UGT2B28: variants seen among roughly 807,000 people sequenced by gnomAD.
UGT2B28 encodes the protein UDP glucuronosyltransferase family 2 member B28.
In UGT2B28, 45 loss-of-function variants were observed where a neutral mutation model predicts 43.6. The ratio of observed to expected loss-of-function variants is 1.03; its 90% CI spans 0.81 to 1.32. UGT2B28 has a LOEUF of 1.32. Ranked by LOEUF, UGT2B28 falls within the 40% of genes most tolerant of loss-of-function variation. The pLI is 0.00. For synonymous variants in UGT2B28, 204 were observed against 208.1 expected (o/e 0.98, Z 0.17); for missense variants, 649 against 625.5 (o/e 1.04, Z -0.40).
intron 1 of UGT2B28, among the ~76,000 whole-genome samples, chr4:69,281,944 G>A (rs1723624788): frequency 7.1e-6 from 1 of 139,928 alleles, no homozygotes; most frequent in Admixed American, 7.2e-5. Context: ...AAAATTTCTA[G>A]CTATAATTTA....
chr4:69,294,914 C>CAAAA lies in UGT2B28; in HGVS notation c.*113_*116dup. 1.0e-6 allele frequency: 1 copy of CAAAA among 978,088 alleles called. No homozygotes were observed. The highest frequency in any genetic ancestry group is 3.6e-5 in the East Asian group (1 of 27,558). The allele number at this position is 978,088 out of a possible 1,614,324, so 60.6% of individuals were successfully genotyped here. On this transcript the variant is annotated 3_prime_UTR_variant, in exon 6 of 6. Transcript: ENST00000335568. ...ATGCAAGATTTCTTTCTTCCTGTGA[C>CAAAA]AAAAAAAAAAACTTTTCAAAATCTA...
chr4:69,290,848 T>C, intron 5 of UGT2B28, 37 bp downstream of exon 5: 2 of 1,537,396 alleles, frequency 1.3e-6, no homozygotes, highest in Non-Finnish European at 1.8e-6. Context: ...GTGGTATTTG[T>C]AGATAGCTTC....
Position 69,282,681 on chromosome 4 carries a change from G to A in UGT2B28, c.870+19G>A. 2.0e-6 allele frequency: 3 copies of A among 1,538,352 alleles called. No homozygotes were observed. The highest frequency in any genetic ancestry group is 2.3e-5 in the East Asian group (1 of 42,802). ...ACCTAAGGTAAACATACTTTCGTTG[G>A]TTTTATTTTGTTGGCTTCGAAGTTT... On this transcript the variant is annotated intron_variant, in intron 2 of 5. Transcript: ENST00000335568.
rs1258714653 is a variant in UGT2B28, at chr4:69,293,602, T to C, written c.1311-928T>C. Reference sequence around the variant, plus strand: ...CACAAAAAGGGAGAGAAGCATGCCTTGGGTTGCAGCAAGAAAGAGTACTCC... The same window carrying C: ...CACAAAAAGGGAGAGAAGCATGCCTCGGGTTGCAGCAAGAAAGAGTACTCC... On this transcript the variant is annotated intron_variant, in intron 5 of 5. Coordinates refer to ENST00000335568, the MANE Select transcript of UGT2B28 (RefSeq NM_053039.2). Among the ~76,000 whole-genome samples, 8 of 139,370 alleles carry C rather than the reference T, an allele frequency of 5.7e-5. 1 individual carries two copies. The East Asian group carries it at 1.6e-3, about 29-fold the overall frequency. 91.4% of individuals were successfully genotyped at this position (139,370 alleles called of 152,430 possible). A position where few individuals can be genotyped will look rare whatever the true frequency, so the allele number is the denominator to read the frequency against.
intron 2 of UGT2B28, among the ~76,000 whole-genome samples, chr4:69,283,094 C>G (rs1723667856): frequency 7.1e-6 from 1 of 139,948 alleles, no homozygotes; most frequent in Non-Finnish European, 1.5e-5. Context: ...AAACTATTAT[C>G]TCAAGGAAAA....
In UGT2B28 at chr4:69,294,773, G is replaced by C. The variant is rs745313553; in HGVS notation, c.1554G>C (p.Lys518Asn). ...AGTTTTGTCTGTTTTGTTTCTGGAA[G>C]TTTGCTAGAAAAGGGAAGAAGGGAA... is the stretch of plus-strand genomic sequence containing the variant. ...VTKFCLFCFW[K>N]FARKGKKGKR... Residue 518 changes from lysine (K) to asparagine (N), a missense_variant, in exon 6 of 6, where the codon AAG becomes AAC. Lys to Asn is a moderately conservative substitution (Grantham distance 94, BLOSUM62 0). Transcript: ENST00000335568. 2.6e-6 allele frequency: 4 copies of C among 1,558,382 alleles called. No homozygotes were observed. The South Asian group carries it at 4.8e-5, about 19-fold the overall frequency.
At chr4:69,286,996 G>T (rs1227598940) in intron 3 of UGT2B28, 113 bp downstream of exon 3, 2 of 1,454,320 alleles carry the variant, frequency 1.4e-6, no homozygotes, top group East Asian at 2.5e-5. Context: ...GCCAAATACA[G>T]TCTTAAATAT....
chr4:69,282,037 A>T (rs2109682363), intron 1 of UGT2B28, among the ~76,000 whole-genome samples: 2 of 140,044 alleles, frequency 1.4e-5, no homozygotes, highest in South Asian at 4.8e-4. Flanking sequence ...TTTCTGCCAT[A>T]CTCTCAAAAT....
chr4:69,288,596 A>G lies in UGT2B28; in HGVS notation c.1003-1069A>G. On this transcript the variant is annotated intron_variant, in intron 3 of 5. Coordinates refer to ENST00000335568, the MANE Select transcript of UGT2B28 (RefSeq NM_053039.2). ...TATTTTTTAAATTAAATTAACTTTT[A>G]TTTTTAACTTTTAAGTTCAGGAGTA... Among the ~76,000 whole-genome samples the G allele has an allele frequency of 1.4e-5, 2 of 139,486 alleles. 1 individual carries two copies. The highest frequency in any genetic ancestry group is 5.6e-5 in the African/African-American group (2 of 35,748). The allele number at this position is 139,486 out of a possible 152,430, so 91.5% of individuals were successfully genotyped here.
chr4:69,282,233 T>C (rs779031417), intron 1 of UGT2B28, among the ~76,000 whole-genome samples: 1 of 140,162 alleles, frequency 7.1e-6, no homozygotes, highest in Non-Finnish European at 1.5e-5. Context: ...TGTTTAATTT[T>C]CTATGACTTA....
At chr4:69,288,681 T>G (rs1193992557) in intron 3 of UGT2B28, among the ~76,000 whole-genome samples, 2 of 139,650 alleles carry the variant, frequency 1.4e-5, no homozygotes, top group Non-Finnish European at 3.1e-5. Context: ...TACTAATTGT[T>G]TCATCACCCA....
In UGT2B28 at chr4:69,294,686, C is replaced by T. The variant is rs377551653; in HGVS notation, c.1467C>T (p.His489=). 1.3e-4 allele frequency: 206 copies of T among 1,560,246 alleles called. 43 individuals are homozygous for T. The African/African-American group carries it at 2.8e-3, about 21-fold the overall frequency. ...GTGACCTCACCTGGTTCCAGTACCA[C>T]TCTTTGGATGTGATTGGGTTTCTGC... ...AARDLTWFQY[H]SLDVIGFLLA... The change falls in exon 6 of 6, where the codon CAC becomes CAT. Residue 489 remains histidine, a synonymous_variant. Coordinates refer to ENST00000335568, the MANE Select transcript of UGT2B28 (RefSeq NM_053039.2).
Position 69,285,176 on chromosome 4 carries a change from T to C in UGT2B28, c.871-1576T>C, listed in dbSNP as rs1723733666. ...TGTATATACAATAAGATTGAAATTT[T>C]CTAAATAAGTGTCACATGTATACAT... On this transcript the variant is annotated intron_variant, in intron 2 of 5. Coordinates refer to ENST00000335568, the MANE Select transcript of UGT2B28 (RefSeq NM_053039.2). 1.4e-5 allele frequency among the ~76,000 whole-genome samples: 2 copies of C among 139,820 alleles called. 1 individual carries two copies. The highest frequency in any genetic ancestry group is 1.4e-4 in the Admixed American group (2 of 13,898). The allele number at this position is 139,820 out of a possible 152,430, so 91.7% of individuals were successfully genotyped here.
rs761153643 is a variant in UGT2B28 at position 69,280,801 on chromosome 4, C to G, written c.301C>G (p.Gln101Glu). The change falls in exon 1 of 6, where the codon CAA becomes GAA. Residue 101 changes from glutamine (Q) to glutamate (E), a missense_variant. Gln to Glu is a conservative substitution (Grantham distance 29). Coordinates refer to ENST00000335568, the MANE Select transcript of UGT2B28 (RefSeq NM_053039.2). ...ACAGGTTAAGAGATGGTCAGACATT[C>G]AAAAAGATAGCTTTTGGTTATATTT... ...MQQVKRWSDIQKDSFWLYFSQ... is the reference protein window; with the variant it reads ...MQQVKRWSDIEKDSFWLYFSQ... 5.7e-6 allele frequency: 9 copies of G among 1,567,954 alleles called. 1 individual carries two copies. The South Asian group carries it at 9.4e-5, about 16-fold the overall frequency.
Position 69,280,697 on chromosome 4 carries a change from C to A in UGT2B28, c.197C>A (p.Pro66His), listed in dbSNP as rs1297613756. 6.4e-7 allele frequency: 1 copy of A among 1,560,296 alleles called. No homozygotes were observed. The highest frequency in any genetic ancestry group is 1.5e-5 in the African/African-American group (1 of 66,062). Reference sequence around the variant, plus strand: ...TCTTCAGCTTCCATTCTTTTTGATCCCAATGACGCATTCACTCTTAAACTC... The same window carrying A: ...TCTTCAGCTTCCATTCTTTTTGATCACAATGACGCATTCACTCTTAAACTC... ...LASSASILFDPNDAFTLKLEV... is the reference protein window; with the variant it reads ...LASSASILFDHNDAFTLKLEV... Residue 66 changes from proline (P) to histidine (H), a missense_variant, in exon 1 of 6, where the codon CCC (proline) becomes CAC (histidine). Pro to His is a moderately conservative substitution (Grantham distance 77, BLOSUM62 -2). Coordinates refer to ENST00000335568, the MANE Select transcript of UGT2B28 (RefSeq NM_053039.2).
intron 5 of UGT2B28, among the ~76,000 whole-genome samples, chr4:69,294,321 T>C (rs758986132): frequency 5.7e-5 from 8 of 139,730 alleles, no homozygotes; most frequent in Non-Finnish European, 1.2e-4. Context: ...TGACCTTCCA[T>C]TTCTGCTTTA....
At chr4:69,285,624 G>A (rs1723751936) in intron 2 of UGT2B28, among the ~76,000 whole-genome samples, 1 of 141,318 alleles carries the variant, frequency 7.1e-6, no homozygotes. Context: ...TCTGCCATAC[G>A]TGGTGCACTG....
At chr4:69,290,140 G>A (rs2109694254) in intron 4 of UGT2B28, among the ~76,000 whole-genome samples, 1 of 139,630 alleles carries the variant, frequency 7.2e-6, no homozygotes, top group Middle Eastern at 3.6e-3. Flanking sequence ...ATTATCTGGA[G>A]GACTAAATTC....
At position 69,280,888 on chromosome 4, in the gene UGT2B28, G is replaced by C. The variant is rs773455550; in HGVS notation, c.388G>C (p.Val130Leu). The C allele has an allele frequency of 3.2e-6, 5 of 1,557,844 alleles. 1 individual carries two copies. The highest frequency in any genetic ancestry group is 4.3e-6 in the Non-Finnish European group (5 of 1,155,176). ...CATATTTAGAAACTTCTGTAAAGAT[G>C]TAGTTTCAAATAAGAAAGTTATGAA... ...HDIFRNFCKD[V>L]VSNKKVMKKL... Residue 130 changes from valine to leucine, a missense_variant, in exon 1 of 6, where the codon GTA becomes CTA. Val to Leu is a conservative substitution (Grantham distance 32). Transcript: ENST00000335568.
Sources: allele counts gnomAD v4.1 joint callset (sites outside exome capture counted in the v4.1 genomes callset), GRCh38; gene constraint gnomAD v4.1.1; transcripts MANE v1.5; gene names NCBI Gene and HGNC (gene_info 2026-07-23, HGNC 2026-07-21).